HSD17B11: variants seen among roughly 807,000 people sequenced by gnomAD.
HSD17B11 encodes hydroxysteroid 17-beta dehydrogenase 11, also known as estradiol 17-beta-dehydrogenase 11.
A neutral mutation model predicts 27.8 loss-of-function variants in HSD17B11; 22 were observed. That is an observed-to-expected ratio of 0.79 (90% CI 0.56 to 1.13). The LOEUF (loss-of-function observed/expected upper bound fraction) is 1.13. Ranked by LOEUF, HSD17B11 falls within the 50% of genes most tolerant of loss-of-function variation. HSD17B11 has a pLI of 0.00. For missense variants in HSD17B11, 314 were observed against 351.1 expected (o/e 0.89, Z 0.84); for synonymous variants, 117 against 132.8 (o/e 0.88, Z 0.82).
At chr4:87,366,489 T>A (rs1229248510) in intron 4 of HSD17B11, among the ~76,000 whole-genome samples, 1 of 152,198 alleles carries the variant, frequency 6.6e-6, no homozygotes, top group Non-Finnish European at 1.5e-5. Flanking sequence ...TTCTCAAATG[T>A]GAAACAGTGT....
chr4:87,343,693 A>G (rs77344618), intron 5 of HSD17B11, among the ~76,000 whole-genome samples: 1 of 151,894 alleles, frequency 6.6e-6, no homozygotes, highest in African/African-American at 2.4e-5. Flanking sequence ...GATTACAGGC[A>G]TGTGCCACCA....
intron 5 of HSD17B11, among the ~76,000 whole-genome samples, chr4:87,343,303 A>T (rs1367928240): frequency 1.3e-5 from 2 of 151,998 alleles, no homozygotes; most frequent in Non-Finnish European, 2.9e-5. Context: ...ATGTGGAAAC[A>T]TTTTTTTTCC....
intron 2 of HSD17B11, among the ~76,000 whole-genome samples, chr4:87,382,010 G>T (rs1720185381): frequency 6.6e-6 from 1 of 152,048 alleles, no homozygotes; most frequent in Non-Finnish European, 1.5e-5. Flanking sequence ...AAAATCTCTG[G>T]AAGTGGAGCC....
At chr4:87,380,916 C>T (rs1365215911) in intron 2 of HSD17B11, among the ~76,000 whole-genome samples, 1 of 145,200 alleles carries the variant, frequency 6.9e-6, no homozygotes, top group African/African-American at 2.5e-5. Context: ...TGTGGTGGCT[C>T]ACGCGTGTAA....
At chr4:87,360,882 G>T (rs558864313) in intron 4 of HSD17B11, among the ~76,000 whole-genome samples, 1 of 152,104 alleles carries the variant, frequency 6.6e-6, no homozygotes, top group Non-Finnish European at 1.5e-5. Context: ...AATAGAAAAC[G>T]ATGTTGCACA....
chr4:87,378,292 C>G (rs1735884300), intron 2 of HSD17B11, among the ~76,000 whole-genome samples: 1 of 152,088 alleles, frequency 6.6e-6, no homozygotes, highest in Non-Finnish European at 1.5e-5. Context: ...TTGCCTATTA[C>G]CTCCCCAGGA....
chr4:87,362,819 GT>G (rs1327829739), intron 4 of HSD17B11, among the ~76,000 whole-genome samples: 1 of 152,166 alleles, frequency 6.6e-6, no homozygotes, highest in African/African-American at 2.4e-5. Flanking sequence ...GCAGCCTGAA[GT>G]TTTCAGTGTT....
At chr4:87,340,647 G>A (rs758770076) in intron 5 of HSD17B11, 41 bp from the exon 6 acceptor site, 10 of 1,352,552 alleles carry the variant, frequency 7.4e-6, no homozygotes, top group South Asian at 1.2e-5. Flanking sequence ...ATACTTCACC[G>A]AGGCTTCAGC....
rs1282442701 is a variant in HSD17B11, at chr4:87,378,891, TATAA to T, written c.318+3360_318+3363del. On this transcript the variant is annotated intron_variant, in intron 2 of 6. Transcript: ENST00000358290. ...AAATATATATATATAAATATATATATATAAATATATATAAATATATATATATAAA... is the reference window on the plus strand; with the variant it reads ...AAATATATATATATAAATATATATATATATATATAAATATATATATATAAA... Among the ~76,000 whole-genome samples, 42 of 8,426 alleles carry T rather than the reference TATAA, an allele frequency of 5.0e-3. 3 individuals are homozygous for T. The highest frequency in any genetic ancestry group is 0.023 in the African/African-American group (39 of 1,670). 5.5% of individuals were successfully genotyped at this position (8,426 alleles called of 152,430 possible).
At position 87,354,658 on chromosome 4, in the gene HSD17B11, A is replaced by T. The variant is rs1356094164; in HGVS notation, c.695+2621T>A. 2.0e-5 allele frequency among the ~76,000 whole-genome samples: 3 copies of T among 151,552 alleles called. 1 individual carries two copies. The highest frequency in any genetic ancestry group is 7.3e-5 in the African/African-American group (3 of 41,090). On this transcript the variant is annotated intron_variant, in intron 5 of 6. Coordinates refer to ENST00000358290, the MANE Select transcript of HSD17B11 (RefSeq NM_016245.5). ...TCCTTGTCTCAAAAAAAATAAAAAA[A>T]ATAAAAAAAGGAAAAAAATTAGAAT...
intron 4 of HSD17B11, among the ~76,000 whole-genome samples, chr4:87,371,235 A>T (rs953245165): frequency 1.3e-5 from 2 of 152,198 alleles, no homozygotes; most frequent in Non-Finnish European, 2.9e-5. Flanking sequence ...AATAGAATGG[A>T]CAAATAAATT....
At chr4:87,368,002 C>T (rs1163369559) in intron 4 of HSD17B11, among the ~76,000 whole-genome samples, 1 of 152,186 alleles carries the variant, frequency 6.6e-6, no homozygotes, top group African/African-American at 2.4e-5. Flanking sequence ...TTATTAATCT[C>T]CCAGATATCA....
intron 5 of HSD17B11, among the ~76,000 whole-genome samples, chr4:87,354,355 C>T (rs948298283): frequency 1.3e-5 from 2 of 152,110 alleles, no homozygotes; most frequent in East Asian, 1.9e-4. Flanking sequence ...CATGGTGACT[C>T]ATGCCTGTAA....
chr4:87,371,589 C>T (rs1735716960), intron 4 of HSD17B11, among the ~76,000 whole-genome samples: 3 of 152,046 alleles, frequency 2.0e-5, no homozygotes. Context: ...TGTCACGTGT[C>T]AATAAAAAAG....
intron 4 of HSD17B11, among the ~76,000 whole-genome samples, chr4:87,371,697 A>G (rs1387850553): frequency 6.6e-6 from 1 of 152,252 alleles, no homozygotes. Flanking sequence ...AATCTTTAGC[A>G]CATCTCTGTG....
chr4:87,357,886 G>A (rs1735415750), intron 4 of HSD17B11, among the ~76,000 whole-genome samples: 1 of 142,684 alleles, frequency 7.0e-6, no homozygotes, highest in Non-Finnish European at 1.5e-5. Flanking sequence ...TCATTATATA[G>A]TAATTTTCAG....
intron 2 of HSD17B11, among the ~76,000 whole-genome samples, chr4:87,378,927 TAA>T (rs1560769567): frequency 0.011 from 134 of 12,644 alleles, 8 homozygotes; most frequent in East Asian, 0.025. Context: ...TAAATATATA[TAA>T]ATATATATAT....
chr4:87,380,254 C>T (rs10003964), intron 2 of HSD17B11, among the ~76,000 whole-genome samples: 18,151 of 151,052 alleles, frequency 0.12, 1,238 homozygotes, highest in East Asian at 0.31. Context: ...GCAGGCGGAT[C>T]GCGAGGTCAG....
At chr4:87,378,777 G>T in intron 2 of HSD17B11, among the ~76,000 whole-genome samples, 1 of 121,732 alleles carries the variant, frequency 8.2e-6, no homozygotes, top group Non-Finnish European at 1.7e-5. Flanking sequence ...AATATGTTTT[G>T]CGTGTATATA....
Sources: allele counts gnomAD v4.1 joint callset (sites outside exome capture counted in the v4.1 genomes callset), GRCh38; gene constraint gnomAD v4.1.1; transcripts MANE v1.5; gene names NCBI Gene and HGNC (gene_info 2026-07-23, HGNC 2026-07-21).